The following SIRT5 variants were observed in gnomAD, a reference collection of about 807,000 sequenced individuals.
The protein encoded by SIRT5 is NAD-dependent protein deacylase sirtuin-5, mitochondrial.
In SIRT5, 26 loss-of-function variants were observed where a neutral mutation model predicts 40.0. The observed-to-expected ratio is 0.65, with a 90% confidence interval of 0.48 to 0.90. The LOEUF is 0.90. Among genes scored for constraint, SIRT5 ranks in the 40% least tolerant of loss-of-function variants. The pLI is 0.00. For synonymous variants in SIRT5, 146 were observed against 149.1 expected (o/e 0.98, Z 0.15); for missense variants, 401 against 402.4 (o/e 1.00, Z 0.03).
Position 13,613,497 on chromosome 6 carries a change from C to A in SIRT5, c.*1632C>A, listed in dbSNP as rs940944515. On this transcript the variant is annotated 3_prime_UTR_variant, in exon 10 of 10. Transcript: ENST00000606117. The stretch of plus-strand genomic sequence containing the variant: ...ACATACTTGGACCACATCACCTCAG[C>A]CCCTTGCAAAATTGCATTTAATGTT... 6.6e-6 allele frequency: 1 copy of A among 152,214 alleles called. No homozygotes were observed. Among genetic ancestry groups the A allele is most frequent in the African/African-American group, 2.4e-5 (1 of 41,438 alleles). The allele number at this position is 152,214 out of a possible 1,614,324, so 9.4% of individuals were successfully genotyped here. A position where few individuals can be genotyped will look rare whatever the true frequency, so the allele number is the denominator to read the frequency against.
chr6:13,590,737 TTGTG>T (rs918919315), intron 4 of SIRT5, among the ~76,000 whole-genome samples: 2 of 151,588 alleles, frequency 1.3e-5, no homozygotes, highest in Admixed American at 6.6e-5. Context: ...GTGTATGTAG[TTGTG>T]TGTATGTACA....
chr6:13,611,768 G>A (rs1562284746), intron 9 of SIRT5, 22 bp from the exon 10 acceptor site: 1 of 1,575,114 alleles, frequency 6.3e-7, no homozygotes. Context: ...CAAAACTGCT[G>A]TATTTGCTTC....
At chr6:13,588,181 T>G in intron 3 of SIRT5, 150 bp from the exon 4 acceptor site, 6 of 961,396 alleles carry the variant, frequency 6.2e-6, no homozygotes, top group African/African-American at 1.7e-5. Flanking sequence ...GCAGGTCACA[T>G]GGGGATGGTG....
intron 8 of SIRT5, among the ~76,000 whole-genome samples, chr6:13,599,497 A>G (rs1369934242): frequency 6.6e-6 from 1 of 152,234 alleles, no homozygotes; most frequent in Admixed American, 6.5e-5. Context: ...GAGAACATGC[A>G]AAAATTATCA....
chr6:13,590,785 TTGTGTGTATGTAGTTG>T (rs1227023017), intron 4 of SIRT5, among the ~76,000 whole-genome samples: 1 of 151,690 alleles, frequency 6.6e-6, no homozygotes, highest in African/African-American at 2.4e-5. Flanking sequence ...ATATGTTTAG[TTGTGTGTATGTAGTTG>T]TGTGTGTGTG....
chr6:13,609,963 A>G (rs1763616633), intron 9 of SIRT5, among the ~76,000 whole-genome samples: 1 of 152,042 alleles, frequency 6.6e-6, no homozygotes, highest in Non-Finnish European at 1.5e-5. Flanking sequence ...TCTAGGCATG[A>G]GGGAATTATT....
At chr6:13,608,787 G>A in intron 9 of SIRT5, among the ~76,000 whole-genome samples, 1 of 151,334 alleles carries the variant, frequency 6.6e-6, no homozygotes. Flanking sequence ...TATAAATGTA[G>A]ATTAATAATT....
In SIRT5 at chr6:13,613,551, A is replaced by G. The variant is rs2841523; in HGVS notation, c.*1686A>G. On this transcript the variant is annotated 3_prime_UTR_variant, in exon 10 of 10. Coordinates refer to ENST00000606117, the MANE Select transcript of SIRT5 (RefSeq NM_012241.5). ...CCCTTGGCTTTTGTAGAAACAGGCA[A>G]CAAGACACTATCATATAAAACTTTG... 0.51 allele frequency: 77,508 copies of G among 152,140 alleles called. 20,590 individuals are homozygous for G. Among genetic ancestry groups the G allele is most frequent in the Admixed American group, 0.61 (9,340 of 15,294 alleles). 9.4% of individuals were successfully genotyped at this position (152,140 alleles called of 1,614,324 possible).
chr6:13,604,749 A>G (rs572488477), intron 9 of SIRT5: 2 of 1,284,970 alleles, frequency 1.6e-6, no homozygotes, highest in African/African-American at 1.5e-5. Context: ...CATGTAATAT[A>G]TATCACTGCT....
rs148806091 is a variant in SIRT5, at chr6:13,578,580, G to T, written c.-194-871G>T. On this transcript the variant is annotated intron_variant, in intron 1 of 9. Coordinates refer to ENST00000606117, the MANE Select transcript of SIRT5 (RefSeq NM_012241.5). ...TGCAGTAAGTGGAGACGGCGCCACT[G>T]CACTGCAGCTGGGGGGACAGAGCGA... 2.8e-5 allele frequency among the ~76,000 whole-genome samples: 4 copies of T among 142,742 alleles called. No individual in the cohort carries two copies. The East Asian group carries it at 8.1e-4, about 29-fold the overall frequency. The allele number at this position is 142,742 out of a possible 152,430, so 93.6% of individuals were successfully genotyped here.
Position 13,614,155 on chromosome 6 carries a change from T to A in SIRT5, c.*2290T>A, listed in dbSNP as rs1390860759. The A allele has an allele frequency of 1.3e-5, 2 of 152,200 alleles. No individual in the cohort carries two copies. Among genetic ancestry groups the A allele is most frequent in the African/African-American group, 4.8e-5 (2 of 41,456 alleles). The allele number at this position is 152,200 out of a possible 1,614,324, so 9.4% of individuals were successfully genotyped here. A position where few individuals can be genotyped will look rare whatever the true frequency, so the allele number is the denominator to read the frequency against. ...TTAAACATCTACCAGATGATAGACA[T>A]TAGAAATAAAATGACTAGCAAGACC... On this transcript the variant is annotated 3_prime_UTR_variant, in exon 10 of 10. Coordinates refer to ENST00000606117, the MANE Select transcript of SIRT5 (RefSeq NM_012241.5).
intron 5 of SIRT5, 54 bp from the exon 6 acceptor site, chr6:13,595,423 A>G: frequency 1.5e-6 from 2 of 1,299,102 alleles, no homozygotes; most frequent in South Asian, 2.4e-5. Flanking sequence ...AGACATGGAG[A>G]AGGTTGCTCT....
intron 1 of SIRT5, among the ~76,000 whole-genome samples, chr6:13,576,833 G>A (rs1374686547): frequency 6.6e-6 from 1 of 152,218 alleles, no homozygotes; most frequent in Non-Finnish European, 1.5e-5. Context: ...TGTATATGGT[G>A]TGAGATAAGG....
intron 9 of SIRT5, among the ~76,000 whole-genome samples, chr6:13,608,292 A>C (rs1266854155): frequency 6.6e-6 from 1 of 152,218 alleles, no homozygotes; most frequent in East Asian, 1.9e-4. Flanking sequence ...TTATGCATGA[A>C]AATCTTTTAC....
chr6:13,575,475 T>G (rs905512995), intron 1 of SIRT5, among the ~76,000 whole-genome samples: 1 of 152,146 alleles, frequency 6.6e-6, no homozygotes, highest in African/African-American at 2.4e-5. Flanking sequence ...ATTGGGAGCC[T>G]GTACAACTTT....
chr6:13,610,513 C>T (rs1051392071), intron 9 of SIRT5, among the ~76,000 whole-genome samples: 6 of 152,148 alleles, frequency 3.9e-5, no homozygotes, highest in Admixed American at 3.9e-4. Context: ...TTTCACACTC[C>T]CTCTATTTCA....
In SIRT5 at chr6:13,584,128, T is replaced by G; in HGVS notation, c.18T>G (p.Ile6Met). 1.9e-6 allele frequency: 3 copies of G among 1,614,084 alleles called. No homozygotes were observed. The highest frequency in any genetic ancestry group is 1.7e-6 in the Non-Finnish European group (2 of 1,179,968). ...AAACCCTGATGCGACCTCTCCAGAT[T>G]GTCCCAAGTCGATTGATTTCCCAGC... The part of the protein sequence containing the change: MRPLQ[I>M]VPSRLISQLY... Residue 6 changes from isoleucine to methionine, a missense_variant, in exon 3 of 10, where the codon ATT becomes ATG. By Grantham distance (10) the Ile-to-Met change is conservative (BLOSUM62 1). Coordinates refer to ENST00000606117, the MANE Select transcript of SIRT5 (RefSeq NM_012241.5).
At chr6:13,606,536 G>T (rs1203820696) in intron 9 of SIRT5, among the ~76,000 whole-genome samples, 1 of 152,080 alleles carries the variant, frequency 6.6e-6, no homozygotes, top group African/African-American at 2.4e-5. Flanking sequence ...GGGTAGGGAA[G>T]CCCTCCTAGT....
chr6:13,583,500 G>A (rs1759644356), intron 2 of SIRT5, among the ~76,000 whole-genome samples: 1 of 151,894 alleles, frequency 6.6e-6, no homozygotes, highest in Non-Finnish European at 1.5e-5. Context: ...CACCATGTTG[G>A]TCAGGCTGGT....
Sources: allele counts gnomAD v4.1 joint callset (sites outside exome capture counted in the v4.1 genomes callset), GRCh38; gene constraint gnomAD v4.1.1; transcripts MANE v1.5; gene names NCBI Gene and HGNC (gene_info 2026-07-23, HGNC 2026-07-21).